PRKCA: variants seen among roughly 807,000 people sequenced by gnomAD.
PRKCA encodes protein kinase C alpha type.
In PRKCA, 27 loss-of-function variants were observed where a neutral mutation model predicts 87.0. The observed-to-expected ratio is 0.31, with a 90% CI of 0.23 to 0.43. The LOEUF (loss-of-function observed/expected upper bound fraction) is 0.43. Ranked by LOEUF, PRKCA falls within the 20% of genes least tolerant of loss-of-function variation. The probability of loss-of-function intolerance (pLI) is 1.00; values close to 1 mark genes in which losing one functional copy is unlikely to be tolerated. For synonymous variants in PRKCA, 329 were observed against 311.1 expected (o/e 1.06, Z -0.61); for missense variants, 518 against 852.3 (o/e 0.61, Z 4.88).
At chr17:66,464,489 G>A (rs1015096595) in intron 2 of PRKCA, among the ~76,000 whole-genome samples, 1 of 152,188 alleles carries the variant, frequency 6.6e-6, no homozygotes, top group African/African-American at 2.4e-5. Flanking sequence ...TTGCCCTCCA[G>A]CAATGAATGA....
chr17:66,809,748 T>G lies in PRKCA; in HGVS notation c.*5711T>G, dbSNP rs1037791649. 1.3e-5 allele frequency: 2 copies of G among 152,114 alleles called. No homozygotes were observed. The highest frequency in any genetic ancestry group is 2.4e-5 in the African/African-American group (1 of 41,422). 9.4% of individuals were successfully genotyped at this position (152,114 alleles called of 1,614,324 possible). A position where few individuals can be genotyped will look rare whatever the true frequency, so the allele number is the denominator to read the frequency against. On this transcript the variant is annotated 3_prime_UTR_variant, in exon 17 of 17. Transcript: ENST00000413366. ...GGACAACTGCTTAAGGTTTAGAAACTTCCAAACCACAGGAAAGACATTTTT... is the reference window on the plus strand; with the variant it reads ...GGACAACTGCTTAAGGTTTAGAAACGTCCAAACCACAGGAAAGACATTTTT...
intron 16 of PRKCA, among the ~76,000 whole-genome samples, chr17:66,798,414 T>TGGTGGTGGTGGTGAC (rs1568040730): frequency 3.8e-5 from 4 of 106,112 alleles, no homozygotes; most frequent in African/African-American, 1.6e-4. Flanking sequence ...GTGATGGTGA[T>TGGTGGTGGTGGTGAC]GGTGGTGGTG....
intron 2 of PRKCA, among the ~76,000 whole-genome samples, chr17:66,399,352 A>G (rs1038376230): frequency 1.3e-5 from 2 of 152,064 alleles, no homozygotes; most frequent in African/African-American, 4.8e-5. Flanking sequence ...GAGTGCTGGG[A>G]TTACCTGGCT....
At position 66,769,708 on chromosome 17, in the gene PRKCA, T is replaced by C. The variant is rs8077871; in HGVS notation, c.1525-4279T>C. Reference sequence around the variant, plus strand: ...AGCAAGGTGTGTGAGACAATAATTATGTTTGTGGAACCTTGTCACATTTTC... The same window carrying C: ...AGCAAGGTGTGTGAGACAATAATTACGTTTGTGGAACCTTGTCACATTTTC... On this transcript the variant is annotated intron_variant, in intron 13 of 16. Coordinates refer to ENST00000413366, the MANE Select transcript of PRKCA (RefSeq NM_002737.3). 2.5e-3 allele frequency among the ~76,000 whole-genome samples: 382 copies of C among 152,342 alleles called. 5 individuals are homozygous for C. Among genetic ancestry groups the C allele is most frequent in the African/African-American group, 8.7e-3 (363 of 41,554 alleles).
Position 66,690,537 on chromosome 17 carries a change from A to G in PRKCA, c.918+1490A>G, listed in dbSNP as rs1325219574. Among the ~76,000 whole-genome samples, 4 of 152,198 alleles carry G rather than the reference A, an allele frequency of 2.6e-5. No individual in the cohort carries two copies. The East Asian group carries it at 7.7e-4, about 29-fold the overall frequency. ...TTAATGTTGGCAGAGTTCTAATGTTAAAACTTAGAACCAGGCCCTGTGCAG... is the reference window on the plus strand; with the variant it reads ...TTAATGTTGGCAGAGTTCTAATGTTGAAACTTAGAACCAGGCCCTGTGCAG... On this transcript the variant is annotated intron_variant, in intron 8 of 16. Coordinates refer to ENST00000413366, the MANE Select transcript of PRKCA (RefSeq NM_002737.3).
intron 2 of PRKCA, among the ~76,000 whole-genome samples, chr17:66,480,009 A>C (rs979587921): frequency 8.6e-5 from 13 of 151,420 alleles, no homozygotes; most frequent in Admixed American, 4.0e-4. Flanking sequence ...AAAAAAAAAA[A>C]AAAACATTTT....
At chr17:66,432,648 AAG>A (rs770125403) in intron 2 of PRKCA, among the ~76,000 whole-genome samples, 4 of 152,098 alleles carry the variant, frequency 2.6e-5, no homozygotes, top group Admixed American at 1.3e-4. Context: ...TTGAGATCTT[AAG>A]AGTCTTGATG....
At chr17:66,422,074 C>G (rs1912528253) in intron 2 of PRKCA, among the ~76,000 whole-genome samples, 2 of 152,092 alleles carry the variant, frequency 1.3e-5, no homozygotes, top group African/African-American at 2.4e-5. Context: ...GTGGTTTTCT[C>G]TCTGTCCTTG....
At chr17:66,426,694 G>A (rs1912826171) in intron 2 of PRKCA, among the ~76,000 whole-genome samples, 2 of 152,200 alleles carry the variant, frequency 1.3e-5, no homozygotes, top group South Asian at 4.1e-4. Context: ...AGACAGTCGT[G>A]GGAATACCCT....
At chr17:66,553,229 G>A (rs1023018660) in intron 3 of PRKCA, among the ~76,000 whole-genome samples, 2 of 152,010 alleles carry the variant, frequency 1.3e-5, no homozygotes, top group African/African-American at 2.4e-5. Flanking sequence ...CGATCCACCC[G>A]CCTCAGCCTC....
intron 2 of PRKCA, among the ~76,000 whole-genome samples, chr17:66,310,678 A>G (rs1048813332): frequency 6.6e-6 from 1 of 152,170 alleles, no homozygotes; most frequent in Non-Finnish European, 1.5e-5. Flanking sequence ...GGGAAGAAAA[A>G]AAAGAATGAG....
chr17:66,502,814 C>A lies in PRKCA; in HGVS notation c.288+6531C>A, dbSNP rs557928360. Among the ~76,000 whole-genome samples, 9 of 152,142 alleles carry A rather than the reference C, an allele frequency of 5.9e-5. No individual in the cohort carries two copies. The South Asian group carries it at 1.9e-3, about 32-fold the overall frequency. ...GGATTACAGTTGCATTCCACCACAC[C>A]TGGCTAATTTTTTTTTTTGTATTTT... On this transcript the variant is annotated intron_variant, in intron 3 of 16. Coordinates refer to ENST00000413366, the MANE Select transcript of PRKCA (RefSeq NM_002737.3).
intron 5 of PRKCA, among the ~76,000 whole-genome samples, chr17:66,652,652 T>A (rs968349220): frequency 6.6e-6 from 1 of 152,144 alleles, no homozygotes; most frequent in South Asian, 2.1e-4. Context: ...GAAAGTGATA[T>A]AGGTGTTCAC....
intron 14 of PRKCA, chr17:66,777,472 G>A (rs1335288214): frequency 2.1e-6 from 2 of 958,896 alleles, no homozygotes; most frequent in Non-Finnish European, 2.4e-6. Flanking sequence ...AAATACGTCC[G>A]GGTGTAAACA....
At chr17:66,742,876 A>G in intron 13 of PRKCA, 116 bp downstream of exon 13, 1 of 1,131,034 alleles carries the variant, frequency 8.8e-7, no homozygotes, top group Non-Finnish European at 1.2e-6. Flanking sequence ...CACAGCCACT[A>G]AATGGACTAA....
chr17:66,738,898 C>T, intron 11 of PRKCA, 43 bp downstream of exon 11: 1 of 1,487,716 alleles, frequency 6.7e-7, no homozygotes, highest in Non-Finnish European at 9.3e-7. Context: ...ACAACCAAGT[C>T]CTACCAACTG....
chr17:66,554,569 A>T, intron 3 of PRKCA: 1 of 947,134 alleles, frequency 1.1e-6, no homozygotes, highest in Non-Finnish European at 1.2e-6. Context: ...GATCCTACTC[A>T]CTCTCCGAAG....
At chr17:66,752,164 T>C (rs1251717366) in intron 13 of PRKCA, among the ~76,000 whole-genome samples, 2 of 152,176 alleles carry the variant, frequency 1.3e-5, no homozygotes, top group Admixed American at 6.5e-5. Context: ...AGCCCAACTT[T>C]GAGGGCTCAG....
intron 13 of PRKCA, among the ~76,000 whole-genome samples, chr17:66,748,500 G>A (rs1351545213): frequency 3.9e-5 from 6 of 152,142 alleles, no homozygotes; most frequent in Non-Finnish European, 7.3e-5. Flanking sequence ...CAGCCGTCTC[G>A]TTCTTGGACC....
Sources: gnomAD v4.1 joint callset for allele counts (sites outside exome capture counted in the v4.1 genomes callset) on GRCh38, gnomAD v4.1.1 for gene constraint, MANE v1.5 for transcripts, NCBI Gene and HGNC (gene_info 2026-07-23, HGNC 2026-07-21) for gene names.